The following SLC35F3 variants were observed in gnomAD, a reference collection of about 807,000 sequenced individuals.
SLC35F3 encodes solute carrier family 35 member F3.
A neutral mutation model predicts 49.9 loss-of-function variants in SLC35F3; 25 were observed. The observed-to-expected ratio is 0.50, with a 90% CI of 0.37 to 0.70. The LOEUF (loss-of-function observed/expected upper bound fraction) is 0.70. Among genes scored for constraint, SLC35F3 ranks in the 30% least tolerant of loss-of-function variants. The pLI is 0.00. For synonymous variants in SLC35F3, 275 were observed against 265.4 expected, an observed-to-expected ratio of 1.04 and a Z score of -0.35; for missense variants, 525 against 639.8, an observed-to-expected ratio of 0.82 and a Z score of 1.94.
At chr1:234,269,030 T>A (rs572299332) in intron 3 of SLC35F3, among the ~76,000 whole-genome samples, 1 of 152,288 alleles carries the variant, frequency 6.6e-6, no homozygotes, top group South Asian at 2.1e-4. Context: ...AGTAGTCTAT[T>A]GGGGAAAAGG....
At chr1:234,069,839 T>C (rs1338727049) in intron 2 of SLC35F3, among the ~76,000 whole-genome samples, 1 of 152,232 alleles carries the variant, frequency 6.6e-6, no homozygotes, top group African/African-American at 2.4e-5. Context: ...CCATGCTCAG[T>C]TGTGTCTTGA....
chr1:234,003,695 C>G (rs1663586490), intron 2 of SLC35F3, among the ~76,000 whole-genome samples: 1 of 152,136 alleles, frequency 6.6e-6, no homozygotes, highest in African/African-American at 2.4e-5. Flanking sequence ...CAAAGGACAG[C>G]ATGAAACCAG....
rs1243457175 is a variant in SLC35F3, at chr1:234,046,330, G to C, written c.283+140572G>C. ...TTTTTCAATCTAATGCTTATGAAGT[G>C]GATGGTATCTTTTTATGGTTTTATT... On this transcript the variant is annotated intron_variant, in intron 2 of 7. Transcript: ENST00000366618. This position sits in a 1 kb window ranked among gnomAD's most constrained non-coding sequence, Gnocchi z 4.4. Among the ~76,000 whole-genome samples, 1 of 152,242 alleles carries C rather than the reference G, an allele frequency of 6.6e-6. No individual in the cohort carries two copies. The highest frequency in any genetic ancestry group is 1.9e-4 in the East Asian group (1 of 5,192).
chr1:234,059,597 C>CA lies in SLC35F3; in HGVS notation c.283+153839_283+153840insA, dbSNP rs1664507879. ...GGTAGAGATAGAGCTAGAGCTAGAG[C>CA]TAGAGACATAGACATAGACTAGACA... On this transcript the variant is annotated intron_variant, in intron 2 of 7. Coordinates refer to ENST00000366618, the MANE Select transcript of SLC35F3 (RefSeq NM_173508.4). 1.6e-4 allele frequency among the ~76,000 whole-genome samples: 24 copies of CA among 148,524 alleles called. No homozygotes were observed. In the South Asian group the frequency reaches 5.1e-3, roughly 31 times the overall value.
chr1:234,002,437 A>C (rs965636420), intron 2 of SLC35F3, among the ~76,000 whole-genome samples: 1 of 152,126 alleles, frequency 6.6e-6, no homozygotes, highest in African/African-American at 2.4e-5. Context: ...AAGACCTGGA[A>C]AGTTTTGAGA....
chr1:234,139,077 G>C (rs562757502), intron 2 of SLC35F3, among the ~76,000 whole-genome samples: 1 of 152,294 alleles, frequency 6.6e-6, no homozygotes, highest in East Asian at 1.9e-4. Flanking sequence ...TGTGGCTACT[G>C]TTGACTTTTG....
At chr1:234,234,698 G>GAGCCCTGGTCCTCTTCA (rs1366063561) in intron 3 of SLC35F3, among the ~76,000 whole-genome samples, 1 of 151,946 alleles carries the variant, frequency 6.6e-6, no homozygotes, top group Admixed American at 6.6e-5. Flanking sequence ...GAGGATGTTC[G>GAGCCCTGGTCCTCTTCA]AGCCCTGGTC....
chr1:234,240,892 T>C (rs1667545033), intron 3 of SLC35F3, among the ~76,000 whole-genome samples: 3 of 152,204 alleles, frequency 2.0e-5, no homozygotes, highest in Admixed American at 2.0e-4. Context: ...AGACAAGTCC[T>C]GACAGGAGGG....
intron 3 of SLC35F3, chr1:234,274,490 A>T (rs1241059799): frequency 6.6e-6 from 1 of 152,256 alleles, no homozygotes; most frequent in Non-Finnish European, 1.5e-5. Context: ...AAACTCGAGA[A>T]ATTTCACAGA....
intron 2 of SLC35F3, among the ~76,000 whole-genome samples, chr1:234,157,809 A>G (rs989890967): frequency 5.9e-5 from 9 of 152,210 alleles, no homozygotes; most frequent in Admixed American, 2.0e-4. Context: ...TTCAGACCTG[A>G]TCATGACATT....
chr1:233,905,556 C>A lies in SLC35F3; in HGVS notation c.81C>A (p.Ser27Arg), dbSNP rs369506915. The A allele has an allele frequency of 3.1e-6, 5 of 1,613,704 alleles. No individual in the cohort carries two copies. In the African/African-American group the frequency reaches 5.3e-5, roughly 17 times the overall value. The part of the protein sequence containing the change: ...AVGMRRSPDV[S>R]PRRLSDISPQ... ...GCATGAGGAGGTCACCGGACGTCAGCCCCCGGAGACTGTCCGACATCAGCC... is the reference window on the plus strand; with the variant it reads ...GCATGAGGAGGTCACCGGACGTCAGACCCCGGAGACTGTCCGACATCAGCC... Residue 27 changes from serine (S) to arginine (R), a missense_variant, in exon 2 of 8, where the codon AGC becomes AGA. Ser to Arg is a moderately radical substitution (Grantham distance 110). This residue lies in a region of SLC35F3 where 228 missense variants were observed against 218.9 expected (regional missense o/e 1.04). Transcript: ENST00000366618.
At chr1:234,302,476 C>T (rs1350257399) in intron 3 of SLC35F3, among the ~76,000 whole-genome samples, 1 of 152,048 alleles carries the variant, frequency 6.6e-6, no homozygotes, top group African/African-American at 2.4e-5. Context: ...TCATGGAGAA[C>T]TTGAGCGTAG....
At chr1:234,098,932 G>T (rs994176316) in intron 2 of SLC35F3, among the ~76,000 whole-genome samples, 4 of 152,094 alleles carry the variant, frequency 2.6e-5, no homozygotes, top group Middle Eastern at 3.4e-3. Flanking sequence ...AGTTCGGATG[G>T]TGGTGGTAGT....
In SLC35F3 at chr1:233,907,088, T is replaced by G. The variant is rs74361055; in HGVS notation, c.283+1330T>G. Among the ~76,000 whole-genome samples, 1,095 of 152,316 alleles carry G rather than the reference T, an allele frequency of 7.2e-3. 17 individuals carry two copies. The highest frequency in any genetic ancestry group is 0.022 in the African/African-American group (919 of 41,558). On this transcript the variant is annotated intron_variant, in intron 2 of 7. Transcript: ENST00000366618. ...AAATTAAACCCCATTGGAAACCATA[T>G]TTCTTATGGGCATGGATAGAACGCT... is the stretch of plus-strand genomic sequence containing the variant.
intron 2 of SLC35F3, among the ~76,000 whole-genome samples, chr1:233,956,868 A>G (rs1043030175): frequency 1.3e-5 from 2 of 152,172 alleles, no homozygotes; most frequent in African/African-American, 4.8e-5. Context: ...GGAAGCTTGC[A>G]AGGCCCCCTA....
intron 2 of SLC35F3, among the ~76,000 whole-genome samples, chr1:234,128,979 C>T (rs1665691139): frequency 6.6e-6 from 1 of 152,178 alleles, no homozygotes; most frequent in Admixed American, 6.5e-5. Flanking sequence ...AATACACATC[C>T]AGCCTTGTGG....
At chr1:234,267,108 T>C (rs1667993554) in intron 3 of SLC35F3, among the ~76,000 whole-genome samples, 1 of 142,380 alleles carries the variant, frequency 7.0e-6, no homozygotes, top group Non-Finnish European at 1.5e-5. Context: ...TTCAAGCATC[T>C]GTTTAACAAA....
chr1:233,930,119 A>C (rs1571984018), intron 2 of SLC35F3, among the ~76,000 whole-genome samples: 1 of 151,244 alleles, frequency 6.6e-6, no homozygotes, highest in South Asian at 2.1e-4. Context: ...ATTGTACTCC[A>C]GCCTGGCTGC....
At chr1:234,179,252 A>G (rs778458002) in intron 2 of SLC35F3, among the ~76,000 whole-genome samples, 1 of 152,216 alleles carries the variant, frequency 6.6e-6, no homozygotes, top group Non-Finnish European at 1.5e-5. Context: ...CTGAAGGTCC[A>G]TCTTCTTGGT....
Sources: allele counts gnomAD v4.1 joint callset (sites outside exome capture counted in the v4.1 genomes callset), GRCh38; gene constraint gnomAD v4.1.1; regional missense constraint gnomAD v4.1.1; non-coding constraint Gnocchi (gnomAD v3.1); transcripts MANE v1.5; gene names NCBI Gene and HGNC (gene_info 2026-07-23, HGNC 2026-07-21).